EPB41L2: variants seen among roughly 807,000 people sequenced by gnomAD.
The protein encoded by EPB41L2 is erythrocyte membrane protein band 4.1 like 2, also known as band 4.1-like protein 2.
In EPB41L2, 43 loss-of-function variants were observed where a neutral mutation model predicts 113.0. The observed-to-expected ratio is 0.38, with a 90% confidence interval of 0.30 to 0.49. The LOEUF is 0.49. Among genes scored for constraint, EPB41L2 ranks in the 20% least tolerant of loss-of-function variants. The probability of loss-of-function intolerance (pLI) is 0.95; values close to 1 mark genes in which losing one functional copy is unlikely to be tolerated. For synonymous variants in EPB41L2, 442 were observed against 436.7 expected, an observed-to-expected ratio of 1.01 and a Z score of -0.15; for missense variants, 1,147 against 1,223.4, an observed-to-expected ratio of 0.94 and a Z score of 0.93.
At chr6:131,045,730 A>G (rs1160276609) in intron 1 of EPB41L2, among the ~76,000 whole-genome samples, 1 of 152,214 alleles carries the variant, frequency 6.6e-6, no homozygotes, top group Non-Finnish European at 1.5e-5. Context: ...GTTTCCCTAT[A>G]AACTTCTGTG....
chr6:130,998,730 G>A (rs1023708976), intron 1 of EPB41L2, among the ~76,000 whole-genome samples: 1 of 152,138 alleles, frequency 6.6e-6, no homozygotes, highest in African/African-American at 2.4e-5. Context: ...AAATAAGTTA[G>A]CAACAGGTAA....
intron 1 of EPB41L2, among the ~76,000 whole-genome samples, chr6:131,057,967 T>C (rs962729823): frequency 5.3e-5 from 8 of 152,232 alleles, no homozygotes; most frequent in Admixed American, 4.6e-4. Flanking sequence ...AAATTTCAAC[T>C]TGGCTATCTA....
chr6:130,882,625 G>A (rs1215935320), intron 12 of EPB41L2: 1 of 152,800 alleles, frequency 6.5e-6, no homozygotes, highest in Non-Finnish European at 1.5e-5. Context: ...CCAGAGGAAG[G>A]GAAAAGGCAA....
At chr6:130,919,473 A>AT (rs761143823) in intron 4 of EPB41L2, among the ~76,000 whole-genome samples, 1 of 149,620 alleles carries the variant, frequency 6.7e-6, no homozygotes, top group Non-Finnish European at 1.5e-5. Context: ...AGATGCAATC[A>AT]TTTCCTCTCC....
intron 1 of EPB41L2, among the ~76,000 whole-genome samples, chr6:130,972,666 A>G (rs958560422): frequency 1.3e-5 from 2 of 152,110 alleles, no homozygotes; most frequent in African/African-American, 2.4e-5. Flanking sequence ...CCTGCAAAGC[A>G]GTAGTAATTA....
At chr6:130,877,121 G>T (rs1485383978) in intron 14 of EPB41L2, among the ~76,000 whole-genome samples, 1 of 152,086 alleles carries the variant, frequency 6.6e-6, no homozygotes, top group African/African-American at 2.4e-5. Flanking sequence ...TGTTCTTAAA[G>T]AGCTTTCTTT....
At chr6:131,011,438 A>G (rs1157458246) in intron 1 of EPB41L2, among the ~76,000 whole-genome samples, 1 of 152,258 alleles carries the variant, frequency 6.6e-6, no homozygotes, top group Non-Finnish European at 1.5e-5. Flanking sequence ...AACAAGGTGG[A>G]TATTTTGTAG....
chr6:130,989,514 T>C (rs1317624663), intron 1 of EPB41L2, among the ~76,000 whole-genome samples: 1 of 152,116 alleles, frequency 6.6e-6, no homozygotes, highest in Admixed American at 6.6e-5. Flanking sequence ...GAGTTGATAT[T>C]TGGTGGGAGA....
intron 18 of EPB41L2, among the ~76,000 whole-genome samples, chr6:130,860,355 T>C (rs1404105580): frequency 6.6e-6 from 1 of 152,178 alleles, no homozygotes; most frequent in Non-Finnish European, 1.5e-5. Context: ...ACAGAAAGAT[T>C]GGGAAAAGCA....
chr6:130,944,162 T>TACACACACACACACACAC (rs537919934), intron 3 of EPB41L2, among the ~76,000 whole-genome samples: 34 of 132,990 alleles, frequency 2.6e-4, no homozygotes, highest in East Asian at 1.5e-3. Context: ...TATACGTACA[T>TACACACACACACACACAC]ACACACACAT....
intron 1 of EPB41L2, among the ~76,000 whole-genome samples, chr6:131,023,971 C>T (rs1790233620): frequency 6.6e-6 from 1 of 151,922 alleles, no homozygotes; most frequent in Non-Finnish European, 1.5e-5. Context: ...CCCTATGACT[C>T]AGGCATTAGG....
At chr6:130,903,937 T>G (rs1797004382) in intron 6 of EPB41L2, among the ~76,000 whole-genome samples, 1 of 152,212 alleles carries the variant, frequency 6.6e-6, no homozygotes, top group African/African-American at 2.4e-5. Flanking sequence ...GTGTATGTTC[T>G]TATAGCTCAC....
intron 1 of EPB41L2, among the ~76,000 whole-genome samples, chr6:130,990,341 G>A (rs1233995551): frequency 6.6e-6 from 1 of 151,240 alleles, no homozygotes; most frequent in African/African-American, 2.4e-5. Flanking sequence ...AGCCAATAGT[G>A]GAAAGACAAA....
At chr6:130,856,945 T>C (rs975603659) in intron 19 of EPB41L2, among the ~76,000 whole-genome samples, 1 of 152,202 alleles carries the variant, frequency 6.6e-6, no homozygotes, top group African/African-American at 2.4e-5. Context: ...TCAGGGTGTG[T>C]AAATCTTTTG....
chr6:130,919,301 G>A (rs1267536911), intron 4 of EPB41L2, among the ~76,000 whole-genome samples: 1 of 152,036 alleles, frequency 6.6e-6, no homozygotes, highest in South Asian at 2.1e-4. Flanking sequence ...CAATAAGAAC[G>A]CTACAGTAGA....
intron 3 of EPB41L2, among the ~76,000 whole-genome samples, chr6:130,935,582 C>CA (rs1032704044): frequency 4.6e-5 from 7 of 152,110 alleles, no homozygotes; most frequent in African/African-American, 1.4e-4. Flanking sequence ...ATTATTAACA[C>CA]AAAAAAACCC....
chr6:130,983,808 C>T (rs1034436777), intron 1 of EPB41L2, among the ~76,000 whole-genome samples: 5 of 152,284 alleles, frequency 3.3e-5, no homozygotes, highest in African/African-American at 9.6e-5. Context: ...AGATTACTGG[C>T]ATGGGATACC....
intron 10 of EPB41L2, 40 bp from the exon 11 acceptor site, chr6:130,890,506 G>T: frequency 6.4e-7 from 1 of 1,553,830 alleles, no homozygotes; most frequent in Non-Finnish European, 8.7e-7. Flanking sequence ...GAGAGAAAGG[G>T]GAAGCAAAAT....
chr6:130,999,871 T>C (rs532006653), intron 1 of EPB41L2, among the ~76,000 whole-genome samples: 2 of 152,292 alleles, frequency 1.3e-5, no homozygotes, highest in South Asian at 2.1e-4. Flanking sequence ...TTTTAGAATA[T>C]CCTGAGCAAA....
Sources: allele counts gnomAD v4.1 joint callset (sites outside exome capture counted in the v4.1 genomes callset), GRCh38; gene constraint gnomAD v4.1.1; transcripts MANE v1.5; gene names NCBI Gene and HGNC (gene_info 2026-07-23, HGNC 2026-07-21).